DLGAP1: variants seen among roughly 807,000 people sequenced by gnomAD.
DLGAP1 encodes the protein disks large-associated protein 1.
In DLGAP1, 11 loss-of-function variants were observed where a neutral mutation model predicts 90.8. The ratio of observed to expected loss-of-function variants is 0.12; its 90% CI spans 0.08 to 0.20. The LOEUF (loss-of-function observed/expected upper bound fraction) is 0.20. Among genes scored for constraint, DLGAP1 ranks in the 10% least tolerant of loss-of-function variants. The probability of loss-of-function intolerance (pLI) is 1.00; values close to 1 mark genes in which losing one functional copy is unlikely to be tolerated. For synonymous variants in DLGAP1, 558 were observed against 540.7 expected (o/e 1.03, Z -0.44); for missense variants, 1,050 against 1,333.8 (o/e 0.79, Z 3.31).
At chr18:4,305,836 C>A (rs491398) in intron 1 of DLGAP1, among the ~76,000 whole-genome samples, 122,024 of 151,642 alleles carry the variant, frequency 0.8, 53,314 homozygotes, top group Non-Finnish European at 0.96. Flanking sequence ...ACAAAACAAG[C>A]AAATCTACAC....
At position 4,281,851 on chromosome 18, in the gene DLGAP1, A is replaced by G. The variant is rs2079559643; in HGVS notation, c.-266-130564T>C. Reference sequence around the variant, plus strand: ...AGATGTACACATATTATAAATATTTATACCTATATACTTCCTATGTTTATA... The same window carrying G: ...AGATGTACACATATTATAAATATTTGTACCTATATACTTCCTATGTTTATA... On this transcript the variant is annotated intron_variant, in intron 1 of 12. Transcript: ENST00000315677. 3.3e-5 allele frequency among the ~76,000 whole-genome samples: 5 copies of G among 152,208 alleles called. No individual in the cohort carries two copies. In the South Asian group the frequency reaches 1.0e-3, roughly 32 times the overall value.
intron 4 of DLGAP1, among the ~76,000 whole-genome samples, chr18:3,868,188 C>A (rs1050284640): frequency 6.6e-6 from 1 of 152,106 alleles, no homozygotes; most frequent in African/African-American, 2.4e-5. Context: ...GATCTAAAAT[C>A]GACTAGAAGG....
intron 2 of DLGAP1, among the ~76,000 whole-genome samples, chr18:4,124,003 T>A (rs943562603): frequency 2.0e-5 from 3 of 152,178 alleles, no homozygotes; most frequent in Non-Finnish European, 4.4e-5. Context: ...AGCAATATTC[T>A]TATCATCAAG....
At chr18:4,343,209 A>C (rs2143876452) in intron 1 of DLGAP1, among the ~76,000 whole-genome samples, 1 of 151,562 alleles carries the variant, frequency 6.6e-6, no homozygotes, top group Middle Eastern at 3.4e-3. Context: ...CGGGAGGCTG[A>C]GGCAGGAGAA....
chr18:3,764,832 T>C (rs1051611702), intron 5 of DLGAP1, among the ~76,000 whole-genome samples: 4 of 152,164 alleles, frequency 2.6e-5, no homozygotes, highest in African/African-American at 9.7e-5. Flanking sequence ...TTATATGACT[T>C]CTTATTTGTG....
intron 7 of DLGAP1, among the ~76,000 whole-genome samples, chr18:3,707,333 C>T (rs2061466061): frequency 6.6e-6 from 1 of 152,178 alleles, no homozygotes; most frequent in Non-Finnish European, 1.5e-5. Flanking sequence ...TGCAGTGGCT[C>T]ATGCCTGTAA....
At chr18:3,923,462 A>G (rs2072313526) in intron 3 of DLGAP1, among the ~76,000 whole-genome samples, 1 of 152,090 alleles carries the variant, frequency 6.6e-6, no homozygotes, top group Non-Finnish European at 1.5e-5. Context: ...GTAAAAATTC[A>G]TTGGCTTTAT....
At chr18:3,861,736 T>C (rs111872310) in intron 4 of DLGAP1, among the ~76,000 whole-genome samples, 1,548 of 152,344 alleles carry the variant, frequency 0.01, 27 homozygotes, top group African/African-American at 0.036. Flanking sequence ...TCTGCTTCTG[T>C]GCTGCCCCAG....
chr18:4,132,698 C>T (rs2076335463), intron 2 of DLGAP1, among the ~76,000 whole-genome samples: 1 of 152,116 alleles, frequency 6.6e-6, no homozygotes, highest in Non-Finnish European at 1.5e-5. Flanking sequence ...AGAGTTCCCA[C>T]TTAAAATTCT....
At chr18:4,172,899 A>G (rs2077046884) in intron 1 of DLGAP1, among the ~76,000 whole-genome samples, 1 of 152,238 alleles carries the variant, frequency 6.6e-6, no homozygotes, top group African/African-American at 2.4e-5. Context: ...CACTTTGATT[A>G]CAATACTCAA....
intron 1 of DLGAP1, among the ~76,000 whole-genome samples, chr18:4,340,725 T>C (rs2081171142): frequency 2.0e-5 from 3 of 152,138 alleles, no homozygotes; most frequent in East Asian, 3.9e-4. Context: ...CCTTTCTCTC[T>C]CACAAACAGA....
intron 4 of DLGAP1, chr18:3,845,706 T>A: frequency 1.5e-6 from 1 of 649,140 alleles, no homozygotes; most frequent in Non-Finnish European, 1.9e-6. Flanking sequence ...CAGGGAACGA[T>A]CCTTGCAGCT....
At chr18:3,735,751 A>G (rs1310236721) in intron 6 of DLGAP1, among the ~76,000 whole-genome samples, 2 of 152,180 alleles carry the variant, frequency 1.3e-5, no homozygotes, top group Non-Finnish European at 2.9e-5. Flanking sequence ...ATAAAACGGT[A>G]ACTAATTATT....
chr18:4,267,980 T>C (rs2079168610), intron 1 of DLGAP1, among the ~76,000 whole-genome samples: 1 of 152,218 alleles, frequency 6.6e-6, no homozygotes, highest in Non-Finnish European at 1.5e-5. Context: ...ATTGGTCACA[T>C]ATCATTACTG....
At chr18:4,057,917 A>G (rs1292637760) in intron 2 of DLGAP1, among the ~76,000 whole-genome samples, 1 of 151,980 alleles carries the variant, frequency 6.6e-6, no homozygotes, top group African/African-American at 2.4e-5. Flanking sequence ...ACTAGTAGGG[A>G]TGATTCCTCT....
At chr18:4,037,291 T>C (rs1265271074) in intron 2 of DLGAP1, among the ~76,000 whole-genome samples, 2 of 152,166 alleles carry the variant, frequency 1.3e-5, no homozygotes, top group Non-Finnish European at 2.9e-5. Flanking sequence ...GATAGATGGA[T>C]ATGGAGTCTA....
chr18:4,150,150 CT>C (rs2076650965), intron 2 of DLGAP1, among the ~76,000 whole-genome samples: 1 of 152,206 alleles, frequency 6.6e-6, no homozygotes, highest in Non-Finnish European at 1.5e-5. Flanking sequence ...AACTCTTGAT[CT>C]TTGGATCAGC....
chr18:3,661,402 T>C lies in DLGAP1; in HGVS notation c.1591+67733A>G, dbSNP rs1306143475. On this transcript the variant is annotated intron_variant, in intron 7 of 12. Transcript: ENST00000315677. ...AATGATGCTGTCTGCCCAGATCTCA[T>C]GAAACAGGCAGCTTCCCCTCTGGTG... Among the ~76,000 whole-genome samples the C allele has an allele frequency of 2.0e-5, 3 of 152,122 alleles. No homozygotes were observed. In the East Asian group the frequency reaches 5.8e-4, roughly 29 times the overall value.
chr18:3,600,847 GATATATAGAT>G lies in DLGAP1; in HGVS notation c.1592-18609_1592-18600del, dbSNP rs1302465385. ...ATATAGATATATATAGATATATATA[GATATATAGAT>G]ATATATAGATATATAGATATATAGA... is the stretch of plus-strand genomic sequence containing the variant. On this transcript the variant is annotated intron_variant, in intron 7 of 12. Coordinates refer to ENST00000315677, the MANE Select transcript of DLGAP1 (RefSeq NM_004746.4). Among the ~76,000 whole-genome samples, 9 of 27,360 alleles carry G rather than the reference GATATATAGAT, an allele frequency of 3.3e-4. 1 individual carries two copies. The South Asian group carries it at 5.7e-3, about 17-fold the overall frequency. The allele number at this position is 27,360 out of a possible 152,430, so 17.9% of individuals were successfully genotyped here. A position where few individuals can be genotyped will look rare whatever the true frequency, so the allele number is the denominator to read the frequency against.
Sources: allele counts gnomAD v4.1 joint callset (sites outside exome capture counted in the v4.1 genomes callset), GRCh38; gene constraint gnomAD v4.1.1; transcripts MANE v1.5; gene names NCBI Gene and HGNC (gene_info 2026-07-23, HGNC 2026-07-21).